Variants in SYNPR observed in about 807,000 individuals in gnomAD.
SYNPR encodes the protein synaptoporin.
Under a neutral mutation model 32.9 loss-of-function variants are expected in SYNPR, and 23 were observed. That is an observed-to-expected ratio of 0.70 (90% CI 0.50 to 0.99). The LOEUF (loss-of-function observed/expected upper bound fraction) is 0.99. Among genes scored for constraint, SYNPR ranks in the 50% least tolerant of loss-of-function variants. The probability of loss-of-function intolerance (pLI) is 0.00; values close to 1 mark genes in which losing one functional copy is unlikely to be tolerated. For synonymous variants in SYNPR, 146 were observed against 135.9 expected, an observed-to-expected ratio of 1.07 and a Z score of -0.52; for missense variants, 318 against 349.3, an observed-to-expected ratio of 0.91 and a Z score of 0.71.
At chr3:63,447,768 C>T (rs540710431) in intron 2 of SYNPR, among the ~76,000 whole-genome samples, 255 of 151,118 alleles carry the variant, frequency 1.7e-3, no homozygotes, top group Non-Finnish European at 2.8e-3. Context: ...AACACAAATT[C>T]TAGCCAAAAG....
chr3:63,414,472 A>G (rs1269320970), intron 2 of SYNPR, among the ~76,000 whole-genome samples: 2 of 152,200 alleles, frequency 1.3e-5, no homozygotes, highest in East Asian at 3.8e-4. Context: ...TTCAGCATGA[A>G]AACAGTGACA....
intron 2 of SYNPR, among the ~76,000 whole-genome samples, chr3:63,259,425 G>A (rs1002821679): frequency 7.3e-5 from 11 of 150,296 alleles, no homozygotes; most frequent in African/African-American, 2.0e-4. Flanking sequence ...CAACATACAC[G>A]AATCAATAAC....
At chr3:63,206,139 C>G in the SYNPR span, among the ~76,000 whole-genome samples, 1 of 152,092 alleles carries the variant, frequency 6.6e-6, no homozygotes, top group Admixed American at 6.5e-5. Flanking sequence ...CTGAAGTTCT[C>G]CTCAGACTTA....
intron 2 of SYNPR, among the ~76,000 whole-genome samples, chr3:63,320,407 C>A (rs918950240): frequency 6.6e-6 from 1 of 152,002 alleles, no homozygotes; most frequent in Non-Finnish European, 1.5e-5. Flanking sequence ...CATTCCTATT[C>A]CTTCTGGTAG....
chr3:63,341,040 C>G (rs2087363565), intron 2 of SYNPR, among the ~76,000 whole-genome samples: 1 of 152,180 alleles, frequency 6.6e-6, no homozygotes, highest in Non-Finnish European at 1.5e-5. Flanking sequence ...AGTCATCTCT[C>G]TCTTCCTTCT....
chr3:63,404,537 C>G (rs889667099), intron 2 of SYNPR, among the ~76,000 whole-genome samples: 3 of 152,054 alleles, frequency 2.0e-5, no homozygotes, highest in Non-Finnish European at 4.4e-5. Flanking sequence ...TTCTGATTTT[C>G]CTTAGAACTG....
chr3:63,491,414 T>C (rs1701255245), intron 3 of SYNPR, among the ~76,000 whole-genome samples: 1 of 152,088 alleles, frequency 6.6e-6, no homozygotes, highest in South Asian at 2.1e-4. Flanking sequence ...AGAGCAAGGA[T>C]TGACAAAGAA....
intron 2 of SYNPR, among the ~76,000 whole-genome samples, chr3:63,354,851 A>G (rs554007518): frequency 1.3e-5 from 2 of 152,314 alleles, no homozygotes; most frequent in East Asian, 3.9e-4. Flanking sequence ...TATAGTAACC[A>G]CTATCAGAAT....
intron 2 of SYNPR, among the ~76,000 whole-genome samples, chr3:63,374,081 C>G (rs910754431): frequency 6.6e-6 from 1 of 152,150 alleles, no homozygotes; most frequent in Admixed American, 6.5e-5. Flanking sequence ...CAAAGTAGTG[C>G]TAAATATGGA....
chr3:63,430,004 G>T (rs1441867063), intron 2 of SYNPR, among the ~76,000 whole-genome samples: 1 of 152,172 alleles, frequency 6.6e-6, no homozygotes, highest in African/African-American at 2.4e-5. Flanking sequence ...AAGATACATG[G>T]TCATTAGTGT....
intron 2 of SYNPR, among the ~76,000 whole-genome samples, chr3:63,417,600 CA>C (rs1216511433): frequency 5.3e-5 from 8 of 152,236 alleles, no homozygotes; most frequent in African/African-American, 1.9e-4. Flanking sequence ...GCCCCTGCAG[CA>C]AGCTTTTTCC....
At chr3:63,338,388 A>G (rs1235823855) in intron 2 of SYNPR, among the ~76,000 whole-genome samples, 1 of 152,140 alleles carries the variant, frequency 6.6e-6, no homozygotes, top group Non-Finnish European at 1.5e-5. Context: ...CCTGGGGAGG[A>G]GTGTCTAGCT....
At chr3:63,305,519 C>CT (rs1165864642) in intron 2 of SYNPR, among the ~76,000 whole-genome samples, 5 of 151,968 alleles carry the variant, frequency 3.3e-5, no homozygotes, top group Non-Finnish European at 5.9e-5. Context: ...GTTTTAGACT[C>CT]TTTCCCTTAC....
At chr3:63,337,232 CAAAAAAAAAAA>C (rs67376099) in intron 2 of SYNPR, among the ~76,000 whole-genome samples, 1 of 55,460 alleles carries the variant, frequency 1.8e-5, no homozygotes, top group African/African-American at 8.0e-5. Context: ...ACTCTGTCTC[CAAAAAAAAAAA>C]AAAAAAAAAA....
At chr3:63,448,504 C>T (rs941154678) in intron 2 of SYNPR, among the ~76,000 whole-genome samples, 2 of 152,186 alleles carry the variant, frequency 1.3e-5, no homozygotes. Context: ...TGAACCCACA[C>T]ATCTTTATCT....
chr3:63,330,224 C>T (rs1340958665), intron 2 of SYNPR: 1 of 152,036 alleles, frequency 6.6e-6, no homozygotes, highest in Non-Finnish European at 1.5e-5. Flanking sequence ...GGTCAGTTTC[C>T]TCTAGGTTCT....
intron 2 of SYNPR, among the ~76,000 whole-genome samples, chr3:63,291,016 A>G (rs1199146313): frequency 2.0e-5 from 3 of 152,238 alleles, no homozygotes; most frequent in South Asian, 4.1e-4. Context: ...GCACAAACCC[A>G]TGATCTGAGT....
At chr3:63,601,185 A>G (rs35779139) in intron 4 of SYNPR, among the ~76,000 whole-genome samples, 17,404 of 151,894 alleles carry the variant, frequency 0.11, 1,105 homozygotes, top group Middle Eastern at 0.17. Context: ...AGGGAGGAGA[A>G]TCGCTTGAAC....
chr3:63,595,906 TA>T (rs1420252299), intron 4 of SYNPR, among the ~76,000 whole-genome samples: 4 of 86,180 alleles, frequency 4.6e-5, no homozygotes, highest in African/African-American at 2.0e-4. Context: ...TATATATAGT[TA>T]TATATATATA....
Sources: allele counts gnomAD v4.1 joint callset (sites outside exome capture counted in the v4.1 genomes callset), GRCh38; gene constraint gnomAD v4.1.1; transcripts MANE v1.5; gene names NCBI Gene and HGNC (gene_info 2026-07-23, HGNC 2026-07-21).